Variants in CTNND2 observed in about 807,000 individuals in gnomAD.
CTNND2 encodes the protein catenin delta-2.
CTNND2 carries 22 observed loss-of-function variants against 144.4 expected under a neutral mutation model. The ratio of observed to expected loss-of-function variants is 0.15; its 90% CI spans 0.11 to 0.22. The LOEUF is 0.22. CTNND2 is among the 10% of genes least tolerant of loss of function. The probability of loss-of-function intolerance (pLI) is 1.00; values close to 1 mark genes in which losing one functional copy is unlikely to be tolerated. For synonymous variants in CTNND2, 751 were observed against 695.6 expected, an observed-to-expected ratio of 1.08 and a Z score of -1.25; for missense variants, 1,353 against 1,618.8, an observed-to-expected ratio of 0.84 and a Z score of 2.82.
At chr5:10,989,336 C>T (rs1368581920) in intron 19 of CTNND2, among the ~76,000 whole-genome samples, 1 of 152,228 alleles carries the variant, frequency 6.6e-6, no homozygotes, top group Non-Finnish European at 1.5e-5. Flanking sequence ...TAGCCCAGGG[C>T]AGTGCTTCAG....
chr5:11,145,471 C>G (rs1330889021), intron 12 of CTNND2, among the ~76,000 whole-genome samples: 1 of 152,064 alleles, frequency 6.6e-6, no homozygotes, highest in Non-Finnish European at 1.5e-5. Flanking sequence ...GATGAGGATG[C>G]CTGCTCCTCT....
At chr5:11,795,801 T>C (rs1177146185) in intron 1 of CTNND2, among the ~76,000 whole-genome samples, 2 of 152,230 alleles carry the variant, frequency 1.3e-5, no homozygotes, top group African/African-American at 4.8e-5. Context: ...AAGGTTTCTA[T>C]TGTTGGTGGA....
intron 15 of CTNND2, among the ~76,000 whole-genome samples, chr5:11,085,998 G>T (rs895279064): frequency 2.6e-5 from 4 of 152,166 alleles, no homozygotes; most frequent in African/African-American, 9.7e-5. Flanking sequence ...CTGGGCTGGG[G>T]AGGGCTGGGA....
chr5:11,668,150 C>T (rs1451469927), intron 2 of CTNND2, among the ~76,000 whole-genome samples: 2 of 152,178 alleles, frequency 1.3e-5, no homozygotes, highest in East Asian at 3.9e-4. Context: ...CAGTACCATG[C>T]TGTTTTGGTT....
At chr5:11,824,208 C>T (rs910428963) in intron 1 of CTNND2, among the ~76,000 whole-genome samples, 1 of 151,904 alleles carries the variant, frequency 6.6e-6, no homozygotes, top group Non-Finnish European at 1.5e-5. Flanking sequence ...TCCATCCAGG[C>T]TTAAACTAAG....
chr5:11,272,552 T>C (rs1422801419), intron 9 of CTNND2, among the ~76,000 whole-genome samples: 1 of 152,180 alleles, frequency 6.6e-6, no homozygotes, highest in African/African-American at 2.4e-5. Flanking sequence ...TATTATAATT[T>C]ATTCCATCCT....
chr5:11,674,716 T>TTTGGTTGGTTGG (rs56819149), intron 2 of CTNND2, among the ~76,000 whole-genome samples: 10,458 of 150,944 alleles, frequency 0.069, 562 homozygotes, highest in African/African-American at 0.14. Flanking sequence ...TGTTTGTTTG[T>TTTGGTTGGTTGG]TTGGTTGGTT....
chr5:11,347,842 C>T (rs1236642336), intron 8 of CTNND2, among the ~76,000 whole-genome samples: 1 of 152,094 alleles, frequency 6.6e-6, no homozygotes, highest in African/African-American at 2.4e-5. Context: ...AAATCAGACA[C>T]AAAGGACATT....
chr5:11,719,682 T>G (rs1786548639), intron 2 of CTNND2, among the ~76,000 whole-genome samples: 1 of 152,190 alleles, frequency 6.6e-6, no homozygotes, highest in South Asian at 2.1e-4. Flanking sequence ...TTTAACAACA[T>G]CTATGATTTG....
chr5:11,126,697 C>T (rs778583214), intron 12 of CTNND2, among the ~76,000 whole-genome samples: 1 of 152,170 alleles, frequency 6.6e-6, no homozygotes, highest in Non-Finnish European at 1.5e-5. Context: ...TTGGAAGTGA[C>T]ATCTAGATAT....
intron 2 of CTNND2, among the ~76,000 whole-genome samples, chr5:11,699,477 T>C (rs1785317461): frequency 6.6e-6 from 1 of 152,054 alleles, no homozygotes; most frequent in Admixed American, 6.6e-5. Flanking sequence ...TTATGGGGCA[T>C]GAGAAATTGA....
intron 2 of CTNND2, among the ~76,000 whole-genome samples, chr5:11,657,032 T>G (rs1260469169): frequency 6.6e-6 from 1 of 151,936 alleles, no homozygotes; most frequent in African/African-American, 2.4e-5. Flanking sequence ...ACCAAGAAAA[T>G]AAAACTTGAA....
At chr5:11,593,955 T>G (rs1561601912) in intron 2 of CTNND2, among the ~76,000 whole-genome samples, 1 of 152,156 alleles carries the variant, frequency 6.6e-6, no homozygotes, top group Non-Finnish European at 1.5e-5. Flanking sequence ...TATTGGAACT[T>G]TCATAAAACT....
chr5:11,018,787 T>G (rs1435193855), intron 17 of CTNND2, among the ~76,000 whole-genome samples: 1 of 150,386 alleles, frequency 6.6e-6, no homozygotes, highest in East Asian at 2.0e-4. Context: ...CTTGGCTCAC[T>G]GCAACCTCTG....
At chr5:11,234,626 A>G (rs1211641355) in intron 10 of CTNND2, among the ~76,000 whole-genome samples, 1 of 152,190 alleles carries the variant, frequency 6.6e-6, no homozygotes, top group Non-Finnish European at 1.5e-5. Context: ...CTGTCACTAC[A>G]GCTCTTATCA....
At chr5:11,330,329 A>G (rs1314157994) in intron 9 of CTNND2, among the ~76,000 whole-genome samples, 1 of 148,682 alleles carries the variant, frequency 6.7e-6, no homozygotes, top group Non-Finnish European at 1.5e-5. Context: ...AAAAAAAAAA[A>G]AAAAATTAGC....
At chr5:11,512,187 T>C (rs1030014399) in intron 3 of CTNND2, among the ~76,000 whole-genome samples, 6 of 152,208 alleles carry the variant, frequency 3.9e-5, no homozygotes, top group African/African-American at 1.2e-4. Context: ...TGCTCTGCTG[T>C]TGCCATCTTA....
At chr5:11,427,235 T>C (rs1762856567) in intron 3 of CTNND2, among the ~76,000 whole-genome samples, 1 of 151,770 alleles carries the variant, frequency 6.6e-6, no homozygotes, top group African/African-American at 2.4e-5. Context: ...AGAAAAGCCT[T>C]AGTATTTTTT....
At chr5:11,274,280 A>G (rs1468027249) in intron 9 of CTNND2, among the ~76,000 whole-genome samples, 2 of 152,208 alleles carry the variant, frequency 1.3e-5, no homozygotes, top group African/African-American at 4.8e-5. Context: ...CTCATTTCTT[A>G]AAGACTTTGG....
Sources: allele counts gnomAD v4.1 joint callset (sites outside exome capture counted in the v4.1 genomes callset), GRCh38; gene constraint gnomAD v4.1.1; transcripts MANE v1.5; gene names NCBI Gene and HGNC (gene_info 2026-07-23, HGNC 2026-07-21).